CAMKMT: variants seen among roughly 807,000 people sequenced by gnomAD.
CAMKMT encodes the protein calmodulin-lysine N-methyltransferase, also known as CaM KMT.
In CAMKMT, 53 loss-of-function variants were observed where a neutral mutation model predicts 48.0. The observed-to-expected ratio is 1.10, with a 90% confidence interval of 0.89 to 1.39. The LOEUF (loss-of-function observed/expected upper bound fraction) is 1.39. CAMKMT is among the 40% of genes most tolerant of loss of function. The probability of loss-of-function intolerance (pLI) is 0.00; values close to 1 mark genes in which losing one functional copy is unlikely to be tolerated. For missense variants in CAMKMT, 428 were observed against 402.7 expected (o/e 1.06, Z -0.54); for synonymous variants, 165 against 152.3 (o/e 1.08, Z -0.61).
intron 3 of CAMKMT, among the ~76,000 whole-genome samples, chr2:44,407,296 G>A (rs183586064): frequency 1.4e-4 from 22 of 152,290 alleles, no homozygotes; most frequent in Admixed American, 3.9e-4. Context: ...AGCCTCTCTA[G>A]AAGTAGACTG....
chr2:44,419,179 T>A (rs574442002), intron 3 of CAMKMT, among the ~76,000 whole-genome samples: 1 of 152,352 alleles, frequency 6.6e-6, no homozygotes, highest in African/African-American at 2.4e-5. Context: ...CCAGATTCCG[T>A]CGCAGCTAAG....
intron 3 of CAMKMT, among the ~76,000 whole-genome samples, chr2:44,545,004 C>T (rs759846123): frequency 6.6e-6 from 1 of 152,146 alleles, no homozygotes; most frequent in Admixed American, 6.5e-5. Context: ...TCAATGAGGA[C>T]ATAATACACT....
At chr2:44,473,790 A>G (rs1361706880) in intron 3 of CAMKMT, among the ~76,000 whole-genome samples, 1 of 152,242 alleles carries the variant, frequency 6.6e-6, no homozygotes, top group African/African-American at 2.4e-5. Context: ...TGAGAATTCA[A>G]CTACCTAGAG....
chr2:44,666,437 T>A (rs1002891439), intron 3 of CAMKMT, among the ~76,000 whole-genome samples: 5 of 151,982 alleles, frequency 3.3e-5, no homozygotes, highest in African/African-American at 4.8e-5. Flanking sequence ...GCCCCCAGAA[T>A]GCGATAAGCA....
intron 3 of CAMKMT, among the ~76,000 whole-genome samples, chr2:44,403,806 A>G (rs1318167589): frequency 1.3e-5 from 2 of 151,742 alleles, no homozygotes; most frequent in Non-Finnish European, 2.9e-5. Flanking sequence ...TAGACTACAT[A>G]TGGTTCTTGT....
At position 44,655,907 on chromosome 2, in the gene CAMKMT, C is replaced by T. The variant is rs544076500; in HGVS notation, c.377-48376C>T. On this transcript the variant is annotated intron_variant, in intron 3 of 10. Transcript: ENST00000378494. Reference sequence around the variant, plus strand: ...TTTACCATGTAGCAAACATCAGCCTCTTCTGGTACAATATTTTGTGCTAAC... The same window carrying T: ...TTTACCATGTAGCAAACATCAGCCTTTTCTGGTACAATATTTTGTGCTAAC... Among the ~76,000 whole-genome samples, 13 of 152,294 alleles carry T rather than the reference C, an allele frequency of 8.5e-5. No homozygotes were observed. In the South Asian group the frequency reaches 1.0e-3, roughly 12 times the overall value.
rs112927433 is a variant in CAMKMT at position 44,695,905 on chromosome 2, C to CA, written c.377-8365dup. Among the ~76,000 whole-genome samples the CA allele has an allele frequency of 1.8e-3, 228 of 124,002 alleles. 1 individual carries two copies. The highest frequency in any genetic ancestry group is 3.8e-3 in the Admixed American group (47 of 12,298). The allele number at this position is 124,002 out of a possible 152,430, so 81.4% of individuals were successfully genotyped here. ...CAGCCAACCTCTGATCCAAAATATTCAAAAAAAAAAAAAGACTAAAAATAA... is the reference window on the plus strand; with the variant it reads ...CAGCCAACCTCTGATCCAAAATATTCAAAAAAAAAAAAAAGACTAAAAATAA... On this transcript the variant is annotated intron_variant, in intron 3 of 10. Transcript: ENST00000378494.
At chr2:44,659,075 G>GTTTTTT (rs1192483405) in intron 3 of CAMKMT, among the ~76,000 whole-genome samples, 2 of 86,346 alleles carry the variant, frequency 2.3e-5, no homozygotes, top group African/African-American at 4.7e-5. Flanking sequence ...TGTGTGTGTA[G>GTTTTTT]TTTTTTTTTT....
intron 3 of CAMKMT, among the ~76,000 whole-genome samples, chr2:44,697,482 A>G (rs979748485): frequency 1.3e-5 from 2 of 152,298 alleles, no homozygotes; most frequent in East Asian, 3.9e-4. Flanking sequence ...GAATGAATGT[A>G]TTGAGAGGAG....
chr2:44,456,522 A>G (rs1373490053), intron 3 of CAMKMT: 3 of 1,544,532 alleles, frequency 1.9e-6, no homozygotes, highest in South Asian at 1.2e-5. Flanking sequence ...AGCTTTAACT[A>G]CAGCCAAGTT....
chr2:44,445,991 C>G (rs915229652), intron 3 of CAMKMT, among the ~76,000 whole-genome samples: 7 of 152,062 alleles, frequency 4.6e-5, no homozygotes, highest in Admixed American at 3.3e-4. Flanking sequence ...TCATCCTTAT[C>G]TTTATCCTTA....
intron 3 of CAMKMT, among the ~76,000 whole-genome samples, chr2:44,652,524 T>C (rs888282543): frequency 6.6e-6 from 1 of 152,198 alleles, no homozygotes; most frequent in Non-Finnish European, 1.5e-5. Flanking sequence ...GCCTCTATGG[T>C]TGACTAGGCT....
chr2:44,667,154 C>T lies in CAMKMT; in HGVS notation c.377-37129C>T, dbSNP rs546435316. ...GTTCTTGGAAAGAGAGCCTCCAATT[C>T]AGACCACCCATCGCTGGGAGCTTTA... On this transcript the variant is annotated intron_variant, in intron 3 of 10. Coordinates refer to ENST00000378494, the MANE Select transcript of CAMKMT (RefSeq NM_024766.5). 5.9e-5 allele frequency among the ~76,000 whole-genome samples: 9 copies of T among 152,334 alleles called. No individual in the cohort carries two copies. The South Asian group carries it at 8.3e-4, about 14-fold the overall frequency.
chr2:44,477,118 A>T (rs557535621), intron 3 of CAMKMT, among the ~76,000 whole-genome samples: 15 of 152,338 alleles, frequency 9.8e-5, no homozygotes, highest in African/African-American at 3.6e-4. Context: ...ACATACAATT[A>T]TATCTGCCTA....
chr2:44,501,562 A>G (rs1670008002), intron 3 of CAMKMT, among the ~76,000 whole-genome samples: 1 of 152,198 alleles, frequency 6.6e-6, no homozygotes, highest in Non-Finnish European at 1.5e-5. Flanking sequence ...CTGGGTCTTC[A>G]TTGTGAAGTC....
intron 3 of CAMKMT, among the ~76,000 whole-genome samples, chr2:44,532,755 A>T (rs1414404661): frequency 3.3e-5 from 5 of 152,182 alleles, no homozygotes; most frequent in Non-Finnish European, 5.9e-5. Flanking sequence ...ATTTATGAGG[A>T]CTTCATAAGA....
At chr2:44,466,029 A>G (rs1394377181) in intron 3 of CAMKMT, among the ~76,000 whole-genome samples, 2 of 152,242 alleles carry the variant, frequency 1.3e-5, no homozygotes, top group Non-Finnish European at 2.9e-5. Context: ...ACCCAAATAT[A>G]TAAAGCAAAC....
chr2:44,385,080 A>C (rs13405504), intron 2 of CAMKMT, among the ~76,000 whole-genome samples: 2 of 152,006 alleles, frequency 1.3e-5, no homozygotes, highest in East Asian at 3.9e-4. Flanking sequence ...CAGTATGGTC[A>C]TTTTCACCAT....
intron 3 of CAMKMT, among the ~76,000 whole-genome samples, chr2:44,444,061 GC>G (rs1400763512): frequency 1.6e-4 from 24 of 152,158 alleles, no homozygotes; most frequent in South Asian, 2.1e-4. Context: ...AAGTGTTACG[GC>G]CTGAAGGAAA....
Sources: gnomAD v4.1 joint callset for allele counts (sites outside exome capture counted in the v4.1 genomes callset) on GRCh38, gnomAD v4.1.1 for gene constraint, MANE v1.5 for transcripts, NCBI Gene and HGNC (gene_info 2026-07-23, HGNC 2026-07-21) for gene names.